NXN: variants seen among roughly 807,000 people sequenced by gnomAD.
NXN encodes nucleoredoxin 1.
A neutral mutation model predicts 48.6 loss-of-function variants in NXN; 16 were observed. The ratio of observed to expected loss-of-function variants is 0.33; its 90% CI spans 0.22 to 0.50. NXN has a LOEUF of 0.50. Ranked by LOEUF, NXN falls within the 20% of genes least tolerant of loss-of-function variation. The probability of loss-of-function intolerance (pLI) is 0.98; values close to 1 mark genes in which losing one functional copy is unlikely to be tolerated. For synonymous variants in NXN, 281 were observed against 269.6 expected (o/e 1.04, Z -0.41); for missense variants, 492 against 605.5 (o/e 0.81, Z 1.97).
At chr17:879,316 GTC>G (rs758277718) in intron 1 of NXN, among the ~76,000 whole-genome samples, 16 of 147,570 alleles carry the variant, frequency 1.1e-4, no homozygotes, top group Non-Finnish European at 2.1e-4. Flanking sequence ...TTGAGACAGA[GTC>G]TCACTCTGTC....
At chr17:907,155 C>T (rs1440554355) in intron 1 of NXN, among the ~76,000 whole-genome samples, 2 of 151,908 alleles carry the variant, frequency 1.3e-5, no homozygotes, top group Non-Finnish European at 2.9e-5. Flanking sequence ...GGGTTATCTC[C>T]AAGAGAATTA....
intron 5 of NXN, among the ~76,000 whole-genome samples, chr17:810,287 CGTGCACGTTACGAGTCTGTGAG>C (rs1911900628): frequency 8.5e-5 from 7 of 82,608 alleles, no homozygotes; most frequent in Admixed American, 1.3e-4. Context: ...CTGTGAGTGG[CGTGCACGTTACGAGTCTGTGAG>C]TGGTGTGCAC....
intron 1 of NXN, among the ~76,000 whole-genome samples, chr17:950,779 G>A (rs1475700250): frequency 2.6e-5 from 4 of 151,960 alleles, no homozygotes; most frequent in African/African-American, 7.2e-5. Flanking sequence ...AGTGGGACAC[G>A]CAACACTGTT....
At chr17:881,028 G>A (rs57095048) in intron 1 of NXN, among the ~76,000 whole-genome samples, 2 of 152,040 alleles carry the variant, frequency 1.3e-5, no homozygotes, top group African/African-American at 4.8e-5. Flanking sequence ...GGCTCTGGGA[G>A]TGCACACTCT....
chr17:902,117 G>A (rs1198426905), intron 1 of NXN, among the ~76,000 whole-genome samples: 3 of 152,162 alleles, frequency 2.0e-5, no homozygotes, highest in East Asian at 3.8e-4. Flanking sequence ...TCGGGTGTTT[G>A]TCCCAGCTAG....
chr17:837,653 C>T lies in NXN; in HGVS notation c.361-11575G>A, dbSNP rs148225277. On this transcript the variant is annotated intron_variant, in intron 1 of 7. Transcript: ENST00000336868. Reference sequence around the variant, plus strand: ...GGCAGAAGAAATGATTCGAATCCAGCGCTGGTGGGATCAGAGCTTCTCTCG... The same window carrying T: ...GGCAGAAGAAATGATTCGAATCCAGTGCTGGTGGGATCAGAGCTTCTCTCG... Among the ~76,000 whole-genome samples, 332 of 152,292 alleles carry T rather than the reference C, an allele frequency of 2.2e-3. 2 individuals carry two copies. Among genetic ancestry groups the T allele is most frequent in the African/African-American group, 6.8e-3 (284 of 41,552 alleles).
At chr17:896,071 G>A (rs2068481086) in intron 1 of NXN, among the ~76,000 whole-genome samples, 1 of 152,060 alleles carries the variant, frequency 6.6e-6, no homozygotes, top group Non-Finnish European at 1.5e-5. Flanking sequence ...TGGGCATGGT[G>A]GCTTATGCCT....
chr17:904,100 G>A (rs2144904890), intron 1 of NXN, among the ~76,000 whole-genome samples: 1 of 152,304 alleles, frequency 6.6e-6, no homozygotes, highest in African/African-American at 2.4e-5. Context: ...TAGAATTCCT[G>A]CCAAGAATTT....
At position 801,141 on chromosome 17, in the gene NXN, T is replaced by C; in HGVS notation, c.1126-10A>G. 6.6e-7 allele frequency: 1 copy of C among 1,509,882 alleles called. No homozygotes were observed. Among genetic ancestry groups the C allele is most frequent in the Admixed American group, 2.2e-5 (1 of 45,092 alleles). The allele number at this position is 1,509,882 out of a possible 1,614,324, so 93.5% of individuals were successfully genotyped here. A position where few individuals can be genotyped will look rare whatever the true frequency, so the allele number is the denominator to read the frequency against. ...AGTCAGTCATGTCATCCTGAAGCCG[T>C]CAGGAGGGAGAGAAAACCAAGAAGT... On this transcript the variant is annotated splice_polypyrimidine_tract_variant and intron_variant, in intron 7 of 7. Transcript: ENST00000336868.
At chr17:955,329 T>G (rs1313786060) in intron 1 of NXN, among the ~76,000 whole-genome samples, 3 of 151,300 alleles carry the variant, frequency 2.0e-5, no homozygotes, top group African/African-American at 4.8e-5. Flanking sequence ...CACCACACCC[T>G]GCTAATTTTT....
intron 1 of NXN, among the ~76,000 whole-genome samples, chr17:961,509 TA>T (rs1480080908): frequency 3.3e-5 from 5 of 152,200 alleles, no homozygotes; most frequent in Non-Finnish European, 5.9e-5. Flanking sequence ...TATACAGCTG[TA>T]AGGAATCTCT....
At chr17:891,818 ACCCAACAAGGAAC>A (rs2068422223) in intron 1 of NXN, among the ~76,000 whole-genome samples, 1,534 of 121,374 alleles carry the variant, frequency 0.013, 5 homozygotes, top group South Asian at 0.031. Context: ...ACCATGCACA[ACCCAACAAGGAAC>A]TAAGGTAACC....
intron 1 of NXN, among the ~76,000 whole-genome samples, chr17:882,460 G>GTT (rs1555618138): frequency 6.6e-6 from 1 of 151,110 alleles, no homozygotes; most frequent in African/African-American, 2.4e-5. Context: ...GGTTTCTTTT[G>GTT]TTTGTTTTGT....
At chr17:801,592 C>CGTG (rs1911216235) in intron 7 of NXN, among the ~76,000 whole-genome samples, 1 of 151,514 alleles carries the variant, frequency 6.6e-6, no homozygotes, top group African/African-American at 2.4e-5. Context: ...ACTACAGGCG[C>CGTG]CCACCACGCC....
At chr17:953,945 C>T (rs953944919) in intron 1 of NXN, among the ~76,000 whole-genome samples, 5 of 152,180 alleles carry the variant, frequency 3.3e-5, no homozygotes, top group African/African-American at 7.2e-5. Context: ...GGTGCATGCA[C>T]GTGGTCGTGT....
At chr17:925,309 A>C (rs2068788301) in intron 1 of NXN, among the ~76,000 whole-genome samples, 1 of 152,218 alleles carries the variant, frequency 6.6e-6, no homozygotes, top group Non-Finnish European at 1.5e-5. Flanking sequence ...AGGCCCCAAC[A>C]TTCCAGAGAA....
intron 1 of NXN, among the ~76,000 whole-genome samples, chr17:957,700 T>C (rs2069187758): frequency 6.6e-6 from 1 of 151,646 alleles, no homozygotes; most frequent in East Asian, 1.9e-4. Flanking sequence ...GTGGCCTCCT[T>C]GGTCAAAAGC....
intron 1 of NXN, among the ~76,000 whole-genome samples, chr17:901,350 C>T (rs2068536129): frequency 6.6e-6 from 1 of 152,172 alleles, no homozygotes; most frequent in Non-Finnish European, 1.5e-5. Context: ...GGCACAAAGG[C>T]AGACACTTAA....
At chr17:824,421 T>C (rs1485433763) in intron 2 of NXN, among the ~76,000 whole-genome samples, 1 of 152,048 alleles carries the variant, frequency 6.6e-6, no homozygotes, top group Non-Finnish European at 1.5e-5. Flanking sequence ...AACGCAAAGA[T>C]GTACGTGCAA....
Sources: allele counts gnomAD v4.1 joint callset (sites outside exome capture counted in the v4.1 genomes callset), GRCh38; gene constraint gnomAD v4.1.1; transcripts MANE v1.5; gene names NCBI Gene and HGNC (gene_info 2026-07-23, HGNC 2026-07-21).